NPEPPS: variants seen among roughly 807,000 people sequenced by gnomAD.
NPEPPS encodes the protein puromycin-sensitive aminopeptidase.
A neutral mutation model predicts 115.5 loss-of-function variants in NPEPPS; 14 were observed. The ratio of observed to expected loss-of-function variants is 0.12; its 90% CI spans 0.08 to 0.19. The LOEUF (loss-of-function observed/expected upper bound fraction) is 0.19, where lower values mean the gene tolerates loss of function less well. NPEPPS is among the 10% of genes least tolerant of loss of function. The pLI is 1.00. For missense variants in NPEPPS, 523 were observed against 1,110.8 expected (o/e 0.47, Z 7.52); for synonymous variants, 285 against 390.6 (o/e 0.73, Z 3.19).
chr17:47,596,394 A>G lies in NPEPPS; in HGVS notation c.1468A>G (p.Ile490Val), dbSNP rs200634700. The change falls in exon 13 of 23, where the codon ATA becomes GTA. Residue 490 changes from isoleucine to valine, a missense_variant. By Grantham distance (29) the Ile-to-Val change is conservative (BLOSUM62 3). Transcript: ENST00000322157. ...ESLENASGKP[I>V]AAVMNTWTKQ... The stretch of plus-strand genomic sequence containing the variant: ...TTTAGAAAATGCTAGTGGTAAACCT[A>G]TAGCAGCTGTGATGAATACCTGGAC... 7.5e-5 allele frequency: 119 copies of G among 1,597,168 alleles called. No individual in the cohort carries two copies. The highest frequency in any genetic ancestry group is 1.7e-4 in the Middle Eastern group (1 of 6,048).
intron 2 of NPEPPS, among the ~76,000 whole-genome samples, chr17:47,547,939 T>C (rs192743209): frequency 6.6e-6 from 1 of 152,160 alleles, no homozygotes; most frequent in Admixed American, 6.6e-5. Context: ...GGCAGGAGAA[T>C]GGCGTGAACC....
chr17:47,554,276 G>A (rs957176995), intron 2 of NPEPPS, among the ~76,000 whole-genome samples: 4 of 152,114 alleles, frequency 2.6e-5, no homozygotes, highest in African/African-American at 9.7e-5. Flanking sequence ...CTGACCTCAG[G>A]TGATCTTCCC....
chr17:47,607,806 A>AT lies in NPEPPS; in HGVS notation c.2095+2254_2095+2255insT, dbSNP rs1230939748. Reference sequence around the variant, plus strand: ...TTTGGCCTGCAGAACTGGAAGAATGAAGTTGCCATGTACAGGGATAGGGAA... The same window carrying AT: ...TTTGGCCTGCAGAACTGGAAGAATGATAGTTGCCATGTACAGGGATAGGGAA... On this transcript the variant is annotated intron_variant, in intron 17 of 22. Coordinates refer to ENST00000322157, the MANE Select transcript of NPEPPS (RefSeq NM_006310.4). Among the ~76,000 whole-genome samples the AT allele has an allele frequency of 7.9e-5, 12 of 152,200 alleles. No homozygotes were observed. The East Asian group carries it at 2.3e-3, about 29-fold the overall frequency.
At chr17:47,564,882 A>C (rs1296017180) in intron 2 of NPEPPS, among the ~76,000 whole-genome samples, 1 of 151,760 alleles carries the variant, frequency 6.6e-6, no homozygotes, top group African/African-American at 2.4e-5. Context: ...TTTTATCCCT[A>C]GCCATGTCTC....
chr17:47,570,864 T>C (rs996801603), intron 3 of NPEPPS, among the ~76,000 whole-genome samples: 1 of 152,186 alleles, frequency 6.6e-6, no homozygotes, highest in Non-Finnish European at 1.5e-5. Flanking sequence ...ATCCATGTAA[T>C]TTTTTTGAAA....
At chr17:47,567,252 G>A (rs1910881027) in intron 2 of NPEPPS, among the ~76,000 whole-genome samples, 2 of 152,084 alleles carry the variant, frequency 1.3e-5, no homozygotes, top group Non-Finnish European at 1.5e-5. Context: ...TTTGATTAGA[G>A]GATTTATTAA....
intron 1 of NPEPPS, among the ~76,000 whole-genome samples, chr17:47,544,356 A>T (rs561728006): frequency 1.1e-4 from 17 of 152,228 alleles, no homozygotes; most frequent in African/African-American, 4.1e-4. Context: ...TATTGTATAA[A>T]GTTTTGACAT....
intron 2 of NPEPPS, among the ~76,000 whole-genome samples, chr17:47,548,024 T>A (rs111954122): frequency 0.012 from 1,807 of 152,226 alleles, 29 homozygotes; most frequent in South Asian, 0.047. Context: ...AGACTCCGTC[T>A]CAAAAAAATA....
intron 22 of NPEPPS, among the ~76,000 whole-genome samples, chr17:47,621,140 C>T (rs1914539254): frequency 7.3e-6 from 1 of 136,544 alleles, no homozygotes. Flanking sequence ...ATGATCGTTT[C>T]ATTGCACTCT....
intron 3 of NPEPPS, among the ~76,000 whole-genome samples, chr17:47,572,411 A>C (rs934523537): frequency 3.3e-5 from 5 of 152,144 alleles, no homozygotes; most frequent in Admixed American, 6.5e-5. Context: ...ATAGGGCAAA[A>C]AGCAAAATTA....
intron 2 of NPEPPS, among the ~76,000 whole-genome samples, chr17:47,567,175 CTAA>C (rs1209684333): frequency 2.0e-5 from 3 of 152,214 alleles, no homozygotes; most frequent in African/African-American, 7.2e-5. Context: ...TGTAGTCTAG[CTAA>C]TTAACATTTG....
rs1000716724 is a variant in NPEPPS, at chr17:47,586,330, A to G, written c.947-35A>G. On this transcript the variant is annotated intron_variant, in intron 7 of 22. Transcript: ENST00000322157. Reference sequence around the variant, plus strand: ...GATGCAAGAGTATATATATATATATATATATCAATAAATGTTTATATTTAT... The same window carrying G: ...GATGCAAGAGTATATATATATATATGTATATCAATAAATGTTTATATTTAT... 3.4e-5 allele frequency: 45 copies of G among 1,307,738 alleles called. No homozygotes were observed. The African/African-American group carries it at 4.6e-4, about 13-fold the overall frequency. The allele number at this position is 1,307,738 out of a possible 1,614,324, so 81.0% of individuals were successfully genotyped here. A position where few individuals can be genotyped will look rare whatever the true frequency, so the allele number is the denominator to read the frequency against.
At chr17:47,546,680 C>T (rs1228676862) in intron 2 of NPEPPS, among the ~76,000 whole-genome samples, 1 of 152,072 alleles carries the variant, frequency 6.6e-6, no homozygotes, top group Non-Finnish European at 1.5e-5. Flanking sequence ...GCTGAGATTA[C>T]AGGTGTCCAC....
Position 47,618,544 on chromosome 17 carries a change from T to C in NPEPPS, c.2403+87T>C, listed in dbSNP as rs1291281178. The C allele has an allele frequency of 4.4e-6, 4 of 913,082 alleles. No individual in the cohort carries two copies. The Admixed American group carries it at 9.2e-5, about 21-fold the overall frequency. The allele number at this position is 913,082 out of a possible 1,614,324, so 56.6% of individuals were successfully genotyped here. A position where few individuals can be genotyped will look rare whatever the true frequency, so the allele number is the denominator to read the frequency against. On this transcript the variant is annotated intron_variant, in intron 20 of 22. Transcript: ENST00000322157. The stretch of plus-strand genomic sequence containing the variant: ...TGATTCAGCTCTGATCCTCTTGAGC[T>C]GCCTTAACCCTAACTAAAGCTTCCT...
intron 1 of NPEPPS, among the ~76,000 whole-genome samples, chr17:47,525,290 T>G (rs1284041364): frequency 6.6e-6 from 1 of 152,170 alleles, no homozygotes; most frequent in Non-Finnish European, 1.5e-5. Flanking sequence ...CTCTTCTTTC[T>G]CCTCAGCAGG....
chr17:47,554,602 C>T (rs1319386070), intron 2 of NPEPPS, among the ~76,000 whole-genome samples: 1 of 151,742 alleles, frequency 6.6e-6, no homozygotes, highest in African/African-American at 2.4e-5. Flanking sequence ...TCAAGCGATC[C>T]TCCTGCCTCA....
intron 12 of NPEPPS, among the ~76,000 whole-genome samples, chr17:47,595,110 T>C (rs1156408876): frequency 6.6e-6 from 1 of 152,104 alleles, no homozygotes; most frequent in Non-Finnish European, 1.5e-5. Context: ...TTTGTATTTT[T>C]AGTAGAGACA....
chr17:47,527,743 GA>G (rs531559217), upstream of NPEPPS, among the ~76,000 whole-genome samples: 664 of 151,394 alleles, frequency 4.4e-3, 6 homozygotes, highest in African/African-American at 0.014. Context: ...AGAAAAAAAA[GA>G]AAAAATAAAC....
At chr17:47,617,191 C>T (rs573059687) in intron 19 of NPEPPS, among the ~76,000 whole-genome samples, 2 of 152,192 alleles carry the variant, frequency 1.3e-5, no homozygotes, top group East Asian at 3.9e-4. Flanking sequence ...TGTTAATGTA[C>T]ATATAGTAGT....
Sources: allele counts gnomAD v4.1 joint callset (sites outside exome capture counted in the v4.1 genomes callset), GRCh38; gene constraint gnomAD v4.1.1; transcripts MANE v1.5; gene names NCBI Gene and HGNC (gene_info 2026-07-23, HGNC 2026-07-21).